PCDHGB7: variants seen among roughly 807,000 people sequenced by gnomAD.
PCDHGB7 encodes the protein protocadherin gamma subfamily B, 7.
In PCDHGB7, 37 loss-of-function variants were observed where a neutral mutation model predicts 61.4. The ratio of observed to expected loss-of-function variants is 0.60; its 90% confidence interval spans 0.46 to 0.79. The LOEUF (loss-of-function observed/expected upper bound fraction) is 0.79. PCDHGB7 is among the 30% of genes least tolerant of loss of function. PCDHGB7 has a pLI of 0.00. For missense variants in PCDHGB7, 1,166 were observed against 1,202.5 expected (o/e 0.97, Z 0.45); for synonymous variants, 464 against 503.5 (o/e 0.92, Z 1.05).
intron 1 of PCDHGB7, among the ~76,000 whole-genome samples, chr5:141,437,686 G>A (rs1025629140): frequency 2.6e-5 from 4 of 151,740 alleles, no homozygotes; most frequent in African/African-American, 9.7e-5. Flanking sequence ...AACTGATGAG[G>A]CTAAATCTCA....
Position 141,423,508 on chromosome 5 carries a change from A to T in PCDHGB7, c.2415+3234A>T, listed in dbSNP as rs962526072. ...AACCTATTCCCACGAGGTCTCTCTCATTGCGGACTCGCAGAAGAGTCACCT... is the reference window on the plus strand; with the variant it reads ...AACCTATTCCCACGAGGTCTCTCTCTTTGCGGACTCGCAGAAGAGTCACCT... On this transcript the variant is annotated intron_variant, in intron 1 of 3. Coordinates refer to ENST00000398594, the MANE Select transcript of PCDHGB7 (RefSeq NM_018927.4). The T allele has an allele frequency of 9.9e-6, 16 of 1,613,742 alleles. No homozygotes were observed. The highest frequency in any genetic ancestry group is 1.6e-4 in the Middle Eastern group (1 of 6,084).
Position 141,487,503 on chromosome 5 carries a change from C to T in PCDHGB7, c.2416-7304C>T. On this transcript the variant is annotated intron_variant, in intron 1 of 3. Transcript: ENST00000398594. The surrounding 1 kb of genome is among the most constrained non-coding windows in gnomAD (Gnocchi z 5.0). The stretch of plus-strand genomic sequence containing the variant: ...TCTCATGGCTGTACACCCTTGGCTT[C>T]TGCACCCACTCGGAGTGATAGCTTC... 1 of 1,614,220 alleles carries T rather than the reference C, an allele frequency of 6.2e-7. No homozygotes were observed. Among genetic ancestry groups the T allele is most frequent in the Non-Finnish European group, 8.5e-7 (1 of 1,180,042 alleles).
chr5:141,507,901 G>T (rs1332204823), intron 3 of PCDHGB7, among the ~76,000 whole-genome samples: 1 of 152,216 alleles, frequency 6.6e-6, no homozygotes, highest in Non-Finnish European at 1.5e-5. Flanking sequence ...CTGAAGTCCA[G>T]CCCAGCCAGG....
In PCDHGB7 at chr5:141,467,461, A is replaced by G. The variant is rs1330947379; in HGVS notation, c.2416-27346A>G. ...ATTACTTTTTTCTTCCAGTGCTAGT[A>G]CTTGCATGGTTTTTGGTTTCCACAT... On this transcript the variant is annotated intron_variant, in intron 1 of 3. Coordinates refer to ENST00000398594, the MANE Select transcript of PCDHGB7 (RefSeq NM_018927.4). 2.6e-5 allele frequency among the ~76,000 whole-genome samples: 4 copies of G among 152,158 alleles called. No homozygotes were observed. The South Asian group carries it at 8.3e-4, about 31-fold the overall frequency.
chr5:141,420,910 G>T, intron 1 of PCDHGB7: 1 of 311,900 alleles, frequency 3.2e-6, no homozygotes, highest in South Asian at 7.0e-5. Context: ...ACAAATACGT[G>T]TGATTCACAA....
At position 141,491,116 on chromosome 5, in the gene PCDHGB7, GGT is replaced by G. The variant is rs2099708409; in HGVS notation, c.2416-3689_2416-3688del. The G allele has an allele frequency of 1.2e-6, 2 of 1,614,178 alleles. No individual in the cohort carries two copies. Among genetic ancestry groups the G allele is most frequent in the Non-Finnish European group, 1.7e-6 (2 of 1,180,024 alleles). On this transcript the variant is annotated intron_variant, in intron 1 of 3. Transcript: ENST00000398594. This position sits in a 1 kb window ranked among gnomAD's most constrained non-coding sequence, Gnocchi z 6.9. Reference sequence around the variant, plus strand: ...ACTGTTCCTCGTGTCTACACACACTGGTGAGGTGCGCACAGCCCGGGCCTTAC... The same window carrying G: ...ACTGTTCCTCGTGTCTACACACACTGGAGGTGCGCACAGCCCGGGCCTTAC...
At position 141,419,742 on chromosome 5, in the gene PCDHGB7, T is replaced by G. The variant is rs1388509503; in HGVS notation, c.1883T>G (p.Met628Arg). The change falls in exon 1 of 4, where the codon ATG becomes AGG. Residue 628 changes from methionine to arginine, a missense_variant. Coordinates refer to ENST00000398594, the MANE Select transcript of PCDHGB7 (RefSeq NM_018927.4). ...GGGCTGCGAACAGGCGAGGTGCGCA[T>G]GGTGCGTGCTTTGGGTGACAAGGAC... ...SLGLRTGEVRMVRALGDKDSV... is the reference protein window; with the variant it reads ...SLGLRTGEVRRVRALGDKDSV... 3 of 1,613,742 alleles carry G rather than the reference T, an allele frequency of 1.9e-6. No individual in the cohort carries two copies. The highest frequency in any genetic ancestry group is 2.5e-6 in the Non-Finnish European group (3 of 1,179,852).
rs775537913 is a variant in PCDHGB7 at position 141,420,188 on chromosome 5, A to G, written c.2329A>G (p.Thr777Ala). 6.2e-7 allele frequency: 1 copy of G among 1,613,848 alleles called. No homozygotes were observed. The highest frequency in any genetic ancestry group is 1.1e-5 in the South Asian group (1 of 91,072). ...CACATCTGTTGATCATTGTCCAGCC[A>G]CACAAGATAACCTCAACAAAGATAG... ...FFTSVDHCPA[T>A]QDNLNKDSML... The change falls in exon 1 of 4, where the codon ACA becomes GCA. Residue 777 changes from threonine (T) to alanine (A), a missense_variant. By Grantham distance (58) the Thr-to-Ala change is moderately conservative. Coordinates refer to ENST00000398594, the MANE Select transcript of PCDHGB7 (RefSeq NM_018927.4).
rs767719494 is a variant in PCDHGB7 at position 141,491,200 on chromosome 5, C to T, written c.2416-3607C>T. On this transcript the variant is annotated intron_variant, in intron 1 of 3. Coordinates refer to ENST00000398594, the MANE Select transcript of PCDHGB7 (RefSeq NM_018927.4). This position sits in a 1 kb window ranked among gnomAD's most constrained non-coding sequence, Gnocchi z 6.9. The stretch of plus-strand genomic sequence containing the variant: ...GGTCCTGGTGAGGGACAATGGTGAC[C>T]CTTCACTCTCCTCCACAGCCACAGT... 4 of 1,614,158 alleles carry T rather than the reference C, an allele frequency of 2.5e-6. No individual in the cohort carries two copies. The highest frequency in any genetic ancestry group is 3.4e-6 in the Non-Finnish European group (4 of 1,180,000).
At chr5:141,446,202 G>T (rs780900822) in intron 1 of PCDHGB7, among the ~76,000 whole-genome samples, 13 of 152,094 alleles carry the variant, frequency 8.5e-5, no homozygotes, top group Non-Finnish European at 1.8e-4. Context: ...ATATTCCTAG[G>T]TGTCTGAAAA....
intron 1 of PCDHGB7, among the ~76,000 whole-genome samples, chr5:141,467,954 C>T (rs1467826790): frequency 1.3e-5 from 2 of 152,070 alleles, no homozygotes; most frequent in Admixed American, 6.6e-5. Flanking sequence ...CCACCACACC[C>T]GGCTGCCAGA....
At chr5:141,462,387 A>G (rs781355919) in intron 1 of PCDHGB7, among the ~76,000 whole-genome samples, 13 of 152,178 alleles carry the variant, frequency 8.5e-5, no homozygotes, top group Non-Finnish European at 1.3e-4. Context: ...AAATTCGTTA[A>G]CATTTCTTTT....
At chr5:141,428,197 G>C in intron 1 of PCDHGB7, 3 of 1,385,972 alleles carry the variant, frequency 2.2e-6, no homozygotes, top group Non-Finnish European at 3.0e-6. Flanking sequence ...CGCTCTCTGC[G>C]CCGCTACGCT....
At chr5:141,453,521 T>A (rs1311886024) in intron 1 of PCDHGB7, among the ~76,000 whole-genome samples, 2 of 152,148 alleles carry the variant, frequency 1.3e-5, no homozygotes, top group Non-Finnish European at 2.9e-5. Flanking sequence ...TCCTCCCCTA[T>A]ACCTTCTGCC....
chr5:141,437,346 T>C (rs143931647), intron 1 of PCDHGB7, among the ~76,000 whole-genome samples: 2 of 152,380 alleles, frequency 1.3e-5, no homozygotes, highest in East Asian at 3.9e-4. Flanking sequence ...CACTGTTTTA[T>C]AGTACCTAAA....
In PCDHGB7 at chr5:141,418,416, C is replaced by G. The variant is rs377542164; in HGVS notation, c.557C>G (p.Pro186Arg). The G allele has an allele frequency of 2.9e-5, 46 of 1,613,866 alleles. No homozygotes were observed. Among genetic ancestry groups the G allele is most frequent in the Non-Finnish European group, 3.4e-5 (40 of 1,179,880 alleles). Reference protein sequence around the residue: ...EYFSLVEKDNPDGGKYPELVL... With the variant: ...EYFSLVEKDNRDGGKYPELVL... ...TTCTCATTGGTGGAGAAAGACAATC[C>G]TGATGGTGGCAAATATCCAGAATTA... Residue 186 changes from proline to arginine, a missense_variant, in exon 1 of 4, where the codon CCT becomes CGT. Pro to Arg is a moderately radical substitution (Grantham distance 103). Transcript: ENST00000398594.
At chr5:141,446,942 G>C (rs1252429052) in intron 1 of PCDHGB7, among the ~76,000 whole-genome samples, 1 of 152,058 alleles carries the variant, frequency 6.6e-6, no homozygotes, top group Non-Finnish European at 1.5e-5. Flanking sequence ...TTCACTGTAA[G>C]AAACATCCAG....
At chr5:141,457,280 A>T (rs964027392) in intron 1 of PCDHGB7, among the ~76,000 whole-genome samples, 1 of 152,196 alleles carries the variant, frequency 6.6e-6, no homozygotes, top group Non-Finnish European at 1.5e-5. Flanking sequence ...TGGGCCTACG[A>T]AGTTCCTTGG....
rs1478382101 is a variant in PCDHGB7, at chr5:141,419,095, G to A, written c.1236G>A (p.Arg412=). 2 of 1,613,816 alleles carry A rather than the reference G, an allele frequency of 1.2e-6. No individual in the cohort carries two copies. Among genetic ancestry groups the A allele is most frequent in the African/African-American group, 2.7e-5 (2 of 74,926 alleles). The stretch of plus-strand genomic sequence containing the variant: ...TAGTAACAGATGAGGCCCTGGATCG[G>A]GAGCAGACCCCAGAGTACAACGTCA... ...YKLVTDEALD[R]EQTPEYNVTI... The change falls in exon 1 of 4, where the codon CGG becomes CGA. Residue 412 remains arginine (R), a synonymous_variant. Transcript: ENST00000398594.
Sources: gnomAD v4.1 joint callset for allele counts (sites outside exome capture counted in the v4.1 genomes callset) on GRCh38, gnomAD v4.1.1 for gene constraint, Gnocchi (gnomAD v3.1) non-coding constraint, MANE v1.5 for transcripts, NCBI Gene and HGNC (gene_info 2026-07-23, HGNC 2026-07-21) for gene names.